Variants in ATXN2 observed in about 807,000 individuals in gnomAD.
ATXN2 encodes the protein ataxin-2.
ATXN2 carries 37 observed loss-of-function variants against 138.6 expected under a neutral mutation model. The ratio of observed to expected loss-of-function variants is 0.27; its 90% confidence interval spans 0.21 to 0.35. ATXN2 has a LOEUF of 0.35. Among genes scored for constraint, ATXN2 ranks in the 10% least tolerant of loss-of-function variants. The pLI is 1.00. For missense variants in ATXN2, 1,216 were observed against 1,480.3 expected (o/e 0.82, Z 2.93); for synonymous variants, 549 against 543.7 (o/e 1.01, Z -0.13).
At position 111,598,425 on chromosome 12, in the gene ATXN2, C is replaced by A; in HGVS notation, c.251+359G>T. The A allele has an allele frequency of 1.0e-6, 1 of 985,678 alleles. No homozygotes were observed. Among genetic ancestry groups the A allele is most frequent in the South Asian group, 4.7e-5 (1 of 21,300 alleles). 61.1% of individuals were successfully genotyped at this position (985,678 alleles called of 1,614,324 possible). A position where few individuals can be genotyped will look rare whatever the true frequency, so the allele number is the denominator to read the frequency against. On this transcript the variant is annotated intron_variant, in intron 1 of 24. Coordinates refer to ENST00000673436, the MANE Select transcript of ATXN2 (RefSeq NM_001372574.1). This position sits in a 1 kb window ranked among gnomAD's most constrained non-coding sequence, Gnocchi z 4.5. ...GGGAGTGGAGGAGCTGCCCGAGCAT[C>A]CCCACGCTGCGGGCGGAGGATCGTG...
At chr12:111,523,801 A>G (rs540951343) in intron 6 of ATXN2, among the ~76,000 whole-genome samples, 43 of 147,590 alleles carry the variant, frequency 2.9e-4, no homozygotes, top group African/African-American at 1.0e-3. Context: ...GATGGCTCAC[A>G]CCTGTAATCC....
intron 6 of ATXN2, among the ~76,000 whole-genome samples, chr12:111,521,208 C>T (rs1880140291): frequency 6.6e-6 from 1 of 152,150 alleles, no homozygotes; most frequent in Non-Finnish European, 1.5e-5. Context: ...AAGTTTAGAA[C>T]ATTTTAATTA....
chr12:111,516,440 G>C lies in ATXN2; in HGVS notation c.1166-77C>G. 7.6e-7 allele frequency: 1 copy of C among 1,313,676 alleles called. No homozygotes were observed. The highest frequency in any genetic ancestry group is 1.0e-6 in the Non-Finnish European group (1 of 959,480). The allele number at this position is 1,313,676 out of a possible 1,614,324, so 81.4% of individuals were successfully genotyped here. A position where few individuals can be genotyped will look rare whatever the true frequency, so the allele number is the denominator to read the frequency against. On this transcript the variant is annotated intron_variant, in intron 9 of 24. Transcript: ENST00000673436. The surrounding 1 kb of genome is among the most constrained non-coding windows in gnomAD (Gnocchi z 5.0). ...AGGGAAAAAAGTAAACAGAAAAAAA[G>C]TAAAATGACAAAAATGATTTCTTGT... is the stretch of plus-strand genomic sequence containing the variant.
At chr12:111,502,139 T>A (rs1878815548) in intron 14 of ATXN2, among the ~76,000 whole-genome samples, 1 of 152,198 alleles carries the variant, frequency 6.6e-6, no homozygotes, top group African/African-American at 2.4e-5. Context: ...GCTATCCACC[T>A]GTCTCAGCCT....
chr12:111,457,144 G>A, intron 22 of ATXN2, 70 bp downstream of exon 22: 1 of 1,530,792 alleles, frequency 6.5e-7, no homozygotes, highest in Non-Finnish European at 8.9e-7. Flanking sequence ...GCGATACCTG[G>A]CACCTGAAGA....
intron 1 of ATXN2, among the ~76,000 whole-genome samples, chr12:111,557,427 C>A (rs1230758308): frequency 2.0e-5 from 3 of 152,342 alleles, no homozygotes; most frequent in African/African-American, 7.2e-5. Flanking sequence ...AATTCTGTAA[C>A]TGTTTGCCTC....
At chr12:111,580,864 G>A (rs1478933358) in intron 1 of ATXN2, among the ~76,000 whole-genome samples, 2 of 152,160 alleles carry the variant, frequency 1.3e-5, no homozygotes, top group East Asian at 3.9e-4. Context: ...AGAAAGGCCA[G>A]GCATGGTGGC....
intron 1 of ATXN2, among the ~76,000 whole-genome samples, chr12:111,579,569 T>C (rs1883870265): frequency 6.6e-6 from 1 of 151,662 alleles, no homozygotes; most frequent in African/African-American, 2.4e-5. Context: ...GCCTCCAGCT[T>C]TATTTTTAAT....
At chr12:111,505,320 C>T (rs187749422) in intron 14 of ATXN2, among the ~76,000 whole-genome samples, 39 of 152,194 alleles carry the variant, frequency 2.6e-4, no homozygotes, top group Non-Finnish European at 4.0e-4. Context: ...TTCTTAGATA[C>T]GACACCAAAA....
intron 1 of ATXN2, among the ~76,000 whole-genome samples, chr12:111,570,590 A>G (rs1157878555): frequency 6.6e-6 from 1 of 152,120 alleles, no homozygotes; most frequent in African/African-American, 2.4e-5. Context: ...CCTGTACTTT[A>G]GCACAAACTC....
chr12:111,463,443 T>C (rs912011628), intron 21 of ATXN2, among the ~76,000 whole-genome samples: 1 of 152,088 alleles, frequency 6.6e-6, no homozygotes, highest in Non-Finnish European at 1.5e-5. Context: ...TACAGGTGCG[T>C]GCCACCATGC....
chr12:111,482,621 A>AGT (rs1033967234), intron 18 of ATXN2, among the ~76,000 whole-genome samples: 8 of 152,152 alleles, frequency 5.3e-5, no homozygotes, highest in Non-Finnish European at 1.0e-4. Flanking sequence ...GACAACAAAA[A>AGT]GTTCCCATTG....
chr12:111,591,861 C>T (rs1422688074), intron 1 of ATXN2, among the ~76,000 whole-genome samples: 1 of 151,918 alleles, frequency 6.6e-6, no homozygotes, highest in East Asian at 1.9e-4. Flanking sequence ...GCAGGTGGAT[C>T]GCTTAAGGTC....
chr12:111,490,466 T>C (rs1189816280), intron 14 of ATXN2, among the ~76,000 whole-genome samples: 4 of 151,996 alleles, frequency 2.6e-5, no homozygotes, highest in African/African-American at 9.7e-5. Flanking sequence ...GTAGGTGAAT[T>C]CAGAATGAGA....
At chr12:111,485,383 G>A (rs1017503911) in intron 17 of ATXN2, 52 bp from the exon 18 acceptor site, 1 of 1,494,194 alleles carries the variant, frequency 6.7e-7, no homozygotes, top group African/African-American at 1.4e-5. Context: ...ATAATAACAA[G>A]GTATTCTGTC....
chr12:111,529,683 C>T (rs1880705565), intron 5 of ATXN2, among the ~76,000 whole-genome samples: 1 of 152,144 alleles, frequency 6.6e-6, no homozygotes, highest in Admixed American at 6.5e-5. Context: ...TATCCCCAGC[C>T]CCATACCCAG....
chr12:111,599,475 C>A (rs915579754), upstream of ATXN2: 6 of 1,213,808 alleles, frequency 4.9e-6, no homozygotes, highest in African/African-American at 9.5e-5. Context: ...GACTCGGTGG[C>A]CACCGCGGGA....
At chr12:111,455,269 C>A in intron 23 of ATXN2, 1 of 628,708 alleles carries the variant, frequency 1.6e-6, no homozygotes. Context: ...TAGAGCCCAA[C>A]TTCAGTGCAG....
intron 18 of ATXN2, among the ~76,000 whole-genome samples, chr12:111,480,305 A>C (rs1040231850): frequency 1.3e-5 from 2 of 152,230 alleles, no homozygotes; most frequent in Non-Finnish European, 2.9e-5. Flanking sequence ...AGTCATTTAG[A>C]ACAAGATAAA....
Sources: allele counts gnomAD v4.1 joint callset (sites outside exome capture counted in the v4.1 genomes callset), GRCh38; gene constraint gnomAD v4.1.1; non-coding constraint Gnocchi (gnomAD v3.1); transcripts MANE v1.5; gene names NCBI Gene and HGNC (gene_info 2026-07-23, HGNC 2026-07-21).